RGR: variants seen among roughly 807,000 people sequenced by gnomAD.
RGR encodes retinal G protein coupled receptor, also known as RPE-retinal G protein-coupled receptor.
A neutral mutation model predicts 28.6 loss-of-function variants in RGR; 30 were observed. That is an observed-to-expected ratio of 1.05 (90% CI 0.78 to 1.42). The LOEUF (loss-of-function observed/expected upper bound fraction) is 1.42, where lower values mean the gene tolerates loss of function less well. RGR is among the 40% of genes most tolerant of loss of function. The probability of loss-of-function intolerance (pLI) is 0.00; values close to 1 mark genes in which losing one functional copy is unlikely to be tolerated. For synonymous variants in RGR, 180 were observed against 156.4 expected, an observed-to-expected ratio of 1.15 and a Z score of -1.13; for missense variants, 404 against 375.6, an observed-to-expected ratio of 1.08 and a Z score of -0.62.
intron 1 of RGR, among the ~76,000 whole-genome samples, chr10:84,246,796 C>A (rs184900773): frequency 4.9e-4 from 75 of 152,312 alleles, no homozygotes; most frequent in Non-Finnish European, 9.6e-4. Context: ...TACATATTCC[C>A]ACCAGCAGTG....
At position 84,259,234 on chromosome 10, in the gene RGR, A is replaced by G; in HGVS notation, c.*595A>G. 6.1e-6 allele frequency: 1 copy of G among 164,648 alleles called. No homozygotes were observed. The highest frequency in any genetic ancestry group is 1.5e-4 in the South Asian group (1 of 6,468). The allele number at this position is 164,648 out of a possible 1,614,324, so 10.2% of individuals were successfully genotyped here. A position where few individuals can be genotyped will look rare whatever the true frequency, so the allele number is the denominator to read the frequency against. ...TCGTTCTTTTTTATGGCAGTGTAGT[A>G]TTCCATTCCATATACATATATAAAC... On this transcript the variant is annotated 3_prime_UTR_variant, in exon 7 of 7. Transcript: ENST00000652092.
intron 6 of RGR, 126 bp downstream of exon 6, chr10:84,258,132 A>T: frequency 1.1e-6 from 1 of 921,978 alleles, no homozygotes; most frequent in African/African-American, 1.6e-5. Flanking sequence ...CTTCCTTTGG[A>T]TACTCACAAG....
intron 6 of RGR, among the ~76,000 whole-genome samples, 189 bp from the exon 7 acceptor site, chr10:84,258,319 C>T (rs1400026399): frequency 1.3e-5 from 2 of 152,114 alleles, no homozygotes; most frequent in Admixed American, 1.3e-4. Context: ...GCAGGTGGGT[C>T]TGGACAAGAG....
chr10:84,255,253 C>T lies in RGR; in HGVS notation c.630+810C>T, dbSNP rs187108293. On this transcript the variant is annotated intron_variant, in intron 5 of 6. Transcript: ENST00000652092. ...ATAGGATGTTAGAACTGGAAACCAC[C>T]CTCCCTTTGCTCAGATCGCCAAGGC... 2.4e-3 allele frequency: 368 copies of T among 154,014 alleles called. 2 individuals carry two copies. The highest frequency in any genetic ancestry group is 0.019 in the South Asian group (92 of 4,906). The allele number at this position is 154,014 out of a possible 1,614,324, so 9.5% of individuals were successfully genotyped here. A position where few individuals can be genotyped will look rare whatever the true frequency, so the allele number is the denominator to read the frequency against.
At chr10:84,256,059 C>CTTTTTTTTTTTTTTTTTT (rs61441525) in intron 5 of RGR, among the ~76,000 whole-genome samples, 5 of 54,358 alleles carry the variant, frequency 9.2e-5, no homozygotes, top group East Asian at 6.1e-4. Context: ...TTTTTCCTTT[C>CTTTTTTTTTTTTTTTTTT]TTTTTTTTTT....
rs1164280427 is a variant in RGR, at chr10:84,259,480, G to A, written c.*841G>A. On this transcript the variant is annotated 3_prime_UTR_variant, in exon 7 of 7. Coordinates refer to ENST00000652092, the MANE Select transcript of RGR (RefSeq NM_001012720.2). ...GAAATCACCATACTGTTTTCCATAG[G>A]GGTTGTACTAATTTACAGTCCCACC... 2.6e-5 allele frequency: 4 copies of A among 151,934 alleles called. No homozygotes were observed. The highest frequency in any genetic ancestry group is 4.4e-5 in the Non-Finnish European group (3 of 67,966). The allele number at this position is 151,934 out of a possible 1,614,324, so 9.4% of individuals were successfully genotyped here. A position where few individuals can be genotyped will look rare whatever the true frequency, so the allele number is the denominator to read the frequency against.
intron 4 of RGR, among the ~76,000 whole-genome samples, chr10:84,253,382 G>A (rs181352353): frequency 2.6e-5 from 4 of 152,282 alleles, no homozygotes; most frequent in Admixed American, 1.3e-4. Flanking sequence ...AGGGAGCCAC[G>A]CCCTTGGTAC....
intron 5 of RGR, among the ~76,000 whole-genome samples, chr10:84,255,786 G>C (rs1410231109): frequency 7.3e-6 from 1 of 136,454 alleles, no homozygotes; most frequent in African/African-American, 2.7e-5. Flanking sequence ...GCGCAATGGT[G>C]TGATGTCGGC....
In RGR at chr10:84,254,446, A is replaced by T; in HGVS notation, c.630+3A>T. On this transcript the variant is annotated splice_donor_region_variant and intron_variant, in intron 5 of 6. Coordinates refer to ENST00000652092, the MANE Select transcript of RGR (RefSeq NM_001012720.2). ...TGGGGAAGAGTGGCCATCTCCAGGT[A>T]AGGACCCCCTTCCGGAGTGTTATCT... 1 of 1,611,020 alleles carries T rather than the reference A, an allele frequency of 6.2e-7. No individual in the cohort carries two copies. The highest frequency in any genetic ancestry group is 8.5e-7 in the Non-Finnish European group (1 of 1,177,158).
intron 2 of RGR, chr10:84,248,066 A>G (rs749257348): frequency 2.9e-5 from 16 of 553,908 alleles, no homozygotes; most frequent in Non-Finnish European, 4.8e-5. Flanking sequence ...CATAAATCGG[A>G]TATTATTTCC....
intron 3 of RGR, among the ~76,000 whole-genome samples, chr10:84,251,374 C>T (rs532251883): frequency 1.3e-5 from 2 of 152,278 alleles, no homozygotes; most frequent in South Asian, 4.2e-4. Flanking sequence ...AGAATGCCAT[C>T]GACTCGGTGG....
chr10:84,258,715 CCA>C lies in RGR; in HGVS notation c.*77_*78del. 6.2e-7 allele frequency: 1 copy of C among 1,602,168 alleles called. No homozygotes were observed. The highest frequency in any genetic ancestry group is 8.5e-7 in the Non-Finnish European group (1 of 1,174,072). On this transcript the variant is annotated 3_prime_UTR_variant, in exon 7 of 7. Coordinates refer to ENST00000652092, the MANE Select transcript of RGR (RefSeq NM_001012720.2). ...TGCCCAGCAGCCTCAGTGGCCAAGC[CCA>C]GACACTCACCCACCTTCCCCAGTGG... is the stretch of plus-strand genomic sequence containing the variant.
chr10:84,250,571 C>A (rs867412648), intron 3 of RGR: 34 of 662,308 alleles, frequency 5.1e-5, no homozygotes, highest in Middle Eastern at 7.3e-4. Flanking sequence ...TCTCAGATAG[C>A]AACAGGCTTC....
chr10:84,258,742 GC>G lies in RGR; in HGVS notation c.*107del. 1 of 1,528,794 alleles carries G rather than the reference GC, an allele frequency of 6.5e-7. No individual in the cohort carries two copies. The highest frequency in any genetic ancestry group is 1.1e-5 in the South Asian group (1 of 87,342). The allele number at this position is 1,528,794 out of a possible 1,614,324, so 94.7% of individuals were successfully genotyped here. A position where few individuals can be genotyped will look rare whatever the true frequency, so the allele number is the denominator to read the frequency against. ...AGACACTCACCCACCTTCCCCAGTG[GC>G]CCCGTGGATCCTGGTCCTAGGCTGG... On this transcript the variant is annotated 3_prime_UTR_variant, in exon 7 of 7. Coordinates refer to ENST00000652092, the MANE Select transcript of RGR (RefSeq NM_001012720.2).
At chr10:84,258,464 C>A in intron 6 of RGR, 44 bp from the exon 7 acceptor site, 2 of 1,613,918 alleles carry the variant, frequency 1.2e-6, no homozygotes, top group Non-Finnish European at 8.5e-7. Flanking sequence ...GAGAGAGGAT[C>A]AGTGGCTTTG....
rs144262093 is a variant in RGR, at chr10:84,257,990, C to T, written c.728C>T (p.Ser243Phe). The change falls in exon 6 of 7, where the codon TCC (serine) becomes TTC (phenylalanine). Residue 243 changes from serine to phenylalanine, a missense_variant. Transcript: ENST00000652092. ...YAVIADVTSI[S>F]PKLQMVPALI... Reference sequence around the variant, plus strand: ...GTCATCGCAGACGTGACTTCCATCTCCCCCAAACTGCAGATGGTACAGATA... The same window carrying T: ...GTCATCGCAGACGTGACTTCCATCTTCCCCAAACTGCAGATGGTACAGATA... 5.0e-6 allele frequency: 8 copies of T among 1,613,796 alleles called. No individual in the cohort carries two copies. The highest frequency in any genetic ancestry group is 6.8e-6 in the Non-Finnish European group (8 of 1,179,870).
intron 5 of RGR, among the ~76,000 whole-genome samples, chr10:84,254,671 A>G (rs574150699): frequency 6.6e-6 from 1 of 152,138 alleles, no homozygotes; most frequent in African/African-American, 2.4e-5. Context: ...GCTCTTTTAT[A>G]TGTTTATTTT....
At chr10:84,248,221 T>A in intron 2 of RGR, 2 of 1,230,258 alleles carry the variant, frequency 1.6e-6, no homozygotes, top group South Asian at 3.2e-5. Flanking sequence ...GTATCTGGGC[T>A]CCTGGAGTGG....
intron 5 of RGR, among the ~76,000 whole-genome samples, chr10:84,256,723 C>T (rs1208540710): frequency 2.0e-5 from 3 of 152,188 alleles, no homozygotes; most frequent in Non-Finnish European, 2.9e-5. Flanking sequence ...GTCCCAAGCC[C>T]TGTCTGGAGG....
Sources: gnomAD v4.1 joint callset for allele counts (sites outside exome capture counted in the v4.1 genomes callset) on GRCh38, gnomAD v4.1.1 for gene constraint, MANE v1.5 for transcripts, NCBI Gene and HGNC (gene_info 2026-07-23, HGNC 2026-07-21) for gene names.